The following GRM6 variants were observed in gnomAD, a reference collection of about 807,000 sequenced individuals.
GRM6 encodes the protein glutamate metabotropic receptor 6.
GRM6 carries 73 observed loss-of-function variants against 78.4 expected under a neutral mutation model. That is an observed-to-expected ratio of 0.93 (90% confidence interval 0.77 to 1.13). GRM6 has a LOEUF of 1.13. Among genes scored for constraint, GRM6 ranks in the 50% most tolerant of loss-of-function variants. The probability of loss-of-function intolerance (pLI) is 0.00; values close to 1 mark genes in which losing one functional copy is unlikely to be tolerated. For synonymous variants in GRM6, 580 were observed against 555.0 expected (o/e 1.05, Z -0.63); for missense variants, 1,251 against 1,256.4 (o/e 1.00, Z 0.07).
chr5:178,987,319 C>T (rs765318560), intron 7 of GRM6: 22 of 502,998 alleles, frequency 4.4e-5, no homozygotes, highest in African/African-American at 1.9e-4. Context: ...GGTAGATACT[C>T]GAGAGACTAG....
chr5:178,982,993 T>C lies in GRM6; in HGVS notation c.2353A>G (p.Ile785Val), dbSNP rs1448397414. 4.3e-6 allele frequency: 7 copies of C among 1,614,052 alleles called. No individual in the cohort carries two copies. ...CAGGTGGTGTACATGGTGAAGCCGATGGGCTTGGCCTCGTTGAAGGTCTCG... is the reference window on the plus strand; with the variant it reads ...CAGGTGGTGTACATGGTGAAGCCGACGGGCTTGGCCTCGTTGAAGGTCTCG... ...VPETFNEAKP[I>V]GFTMYTTCII... Residue 785 changes from isoleucine (I) to valine (V), a missense_variant, in exon 10 of 11, where the codon ATC (isoleucine) becomes GTC (valine). Ile to Val is a conservative substitution (Grantham distance 29, BLOSUM62 3). Coordinates refer to ENST00000517717, the MANE Select transcript of GRM6 (RefSeq NM_000843.4).
chr5:178,983,884 G>A (rs957426458), intron 9 of GRM6, among the ~76,000 whole-genome samples: 4 of 152,202 alleles, frequency 2.6e-5, no homozygotes, highest in Non-Finnish European at 5.9e-5. Context: ...TGCCCCACAC[G>A]TTCGTGCTGG....
intron 7 of GRM6, chr5:178,987,315 T>C: frequency 2.0e-6 from 1 of 507,090 alleles, no homozygotes; most frequent in South Asian, 1.5e-5. Flanking sequence ...CCCGGGTAGA[T>C]ACTCGAGAGA....
At position 178,986,365 on chromosome 5, in the gene GRM6, C is replaced by A. The variant is rs760658222; in HGVS notation, c.1889G>T (p.Gly630Val). ...GGTGATGGCGTAGATGAGGAAGATG[C>A]CGGTGAGGAGGACGTAGCTGAGCTC... ...GRELSYVLLT[G>V]IFLIYAITFL... Residue 630 changes from glycine to valine, a missense_variant, in exon 9 of 11, where the codon GGC (glycine) becomes GTC (valine). Physicochemically the swap from Gly to Val is moderately radical, Grantham distance 109 (BLOSUM62 -3). Transcript: ENST00000517717. 3.7e-6 allele frequency: 6 copies of A among 1,613,976 alleles called. No homozygotes were observed. In the East Asian group the frequency reaches 1.3e-4, roughly 36 times the overall value.
chr5:178,988,021 A>C lies in GRM6; in HGVS notation c.1354+914T>G, dbSNP rs970133762. On this transcript the variant is annotated intron_variant, in intron 7 of 10. Transcript: ENST00000517717. The surrounding 1 kb of genome is among the most constrained non-coding windows in gnomAD (Gnocchi z 6.0). ...GTGATCCACCTGTCTCGGCCTCCCA[A>C]AGTGCTCAGATTACAGGAGTGAGCC... 6.6e-6 allele frequency among the ~76,000 whole-genome samples: 1 copy of C among 152,068 alleles called. No homozygotes were observed. Among genetic ancestry groups the C allele is most frequent in the African/African-American group, 2.4e-5 (1 of 41,398 alleles).
In GRM6 at chr5:178,981,863, T is replaced by C. The variant is rs746263697; in HGVS notation, c.2437-9A>G. 5 of 1,578,224 alleles carry C rather than the reference T, an allele frequency of 3.2e-6. No individual in the cohort carries two copies. The Admixed American group carries it at 6.7e-5, about 21-fold the overall frequency. ...GTTGTCTGGATGTAGATCTAGGCCA[T>C]GGAAGAGGGGACCAGATGGGACTCA... On this transcript the variant is annotated splice_polypyrimidine_tract_variant and intron_variant, in intron 10 of 10. Transcript: ENST00000517717. This position sits in a 1 kb window ranked among gnomAD's most constrained non-coding sequence, Gnocchi z 5.1.
At position 178,994,783 on chromosome 5, in the gene GRM6, G is replaced by T; in HGVS notation, c.162C>A (p.Gly54=). The T allele has an allele frequency of 2.3e-6, 3 of 1,330,734 alleles. No individual in the cohort carries two copies. Among genetic ancestry groups the T allele is most frequent in the Non-Finnish European group, 2.9e-6 (3 of 1,034,870 alleles). 82.4% of individuals were successfully genotyped at this position (1,330,734 alleles called of 1,614,324 possible). A position where few individuals can be genotyped will look rare whatever the true frequency, so the allele number is the denominator to read the frequency against. ...CCTTCTTCAGCTGCCCGCACGCCCG[G>T]CCCGCCGCGCCCCGCGCGTGCACCG... ...LFPVHARGAA[G]RACGQLKKEQ... The change falls in exon 2 of 11, where the codon GGC becomes GGA. Residue 54 remains glycine (G), a synonymous_variant. Transcript: ENST00000517717.
At position 178,989,860 on chromosome 5, in the gene GRM6, C is replaced by T; in HGVS notation, c.1013-455G>A. 1.4e-5 allele frequency: 4 copies of T among 282,806 alleles called. No individual in the cohort carries two copies. The South Asian group carries it at 1.5e-4, about 11-fold the overall frequency. The allele number at this position is 282,806 out of a possible 1,614,324, so 17.5% of individuals were successfully genotyped here. ...GGGAATGGTGGAACAAAGGAATGGACAGAGCCCAGGGCTTTGAGAGCGCAT... is the reference window on the plus strand; with the variant it reads ...GGGAATGGTGGAACAAAGGAATGGATAGAGCCCAGGGCTTTGAGAGCGCAT... On this transcript the variant is annotated intron_variant, in intron 5 of 10. Coordinates refer to ENST00000517717, the MANE Select transcript of GRM6 (RefSeq NM_000843.4).
chr5:178,987,024 A>C (rs1760581452), intron 7 of GRM6, 41 bp from the exon 8 acceptor site: 3 of 1,602,452 alleles, frequency 1.9e-6, no homozygotes, highest in Non-Finnish European at 8.5e-7. Flanking sequence ...CCTCCAGCCC[A>C]GCAGAGCTGG....
In GRM6 at chr5:178,985,674, G is replaced by T. The variant is rs750827252; in HGVS notation, c.2124+456C>A. 32 of 400,886 alleles carry T rather than the reference G, an allele frequency of 8.0e-5. 1 individual carries two copies. The highest frequency in any genetic ancestry group is 1.6e-4 in the Admixed American group (5 of 31,626). 24.8% of individuals were successfully genotyped at this position (400,886 alleles called of 1,614,324 possible). A position where few individuals can be genotyped will look rare whatever the true frequency, so the allele number is the denominator to read the frequency against. On this transcript the variant is annotated intron_variant, in intron 9 of 10. Transcript: ENST00000517717. ...GCTGAGATAGTGCCACTGCACTCCA[G>T]CCTGGGCGACACAGCGAGACTCTGT...
At position 178,992,128 on chromosome 5, in the gene GRM6, ACT is replaced by A. The variant is rs1489732646; in HGVS notation, c.505-47_505-46del. On this transcript the variant is annotated intron_variant, in intron 2 of 10. Transcript: ENST00000517717. This position sits in a 1 kb window ranked among gnomAD's most constrained non-coding sequence, Gnocchi z 4.9. ...GCTGGGCTGTGGATGGAGGTCAGTA[ACT>A]CAAGAGAGGGAGGGTAAGGGGGGCC... The A allele has an allele frequency of 2.9e-6, 4 of 1,394,904 alleles. No homozygotes were observed. Among genetic ancestry groups the A allele is most frequent in the Non-Finnish European group, 4.1e-6 (4 of 986,286 alleles). 86.4% of individuals were successfully genotyped at this position (1,394,904 alleles called of 1,614,324 possible).
rs753696530 is a variant in GRM6 at position 178,984,942 on chromosome 5, C to T, written c.2124+1188G>A. On this transcript the variant is annotated intron_variant, in intron 9 of 10. Coordinates refer to ENST00000517717, the MANE Select transcript of GRM6 (RefSeq NM_000843.4). ...CACCCTCCCCAAGCCATCTGTCTCT[C>T]GTACTCTTCACACAGAAAACATCCA... Among the ~76,000 whole-genome samples, 30 of 152,248 alleles carry T rather than the reference C, an allele frequency of 2.0e-4. 1 individual carries two copies. Among genetic ancestry groups the T allele is most frequent in the South Asian group, 8.3e-4 (4 of 4,822 alleles).
intron 5 of GRM6, chr5:178,989,794 T>C: frequency 2.9e-6 from 1 of 344,214 alleles, no homozygotes; most frequent in Non-Finnish European, 5.6e-6. Context: ...AGCCATCTTG[T>C]GACTATGAGA....
At position 178,988,150 on chromosome 5, in the gene GRM6, GA is replaced by G. The variant is rs1760603663; in HGVS notation, c.1354+784del. ...TATGTATTTTATCACAATTAAAAATGAAAAAAGTTTCACTGTCCAGGCGAGA... is the reference window on the plus strand; with the variant it reads ...TATGTATTTTATCACAATTAAAAATGAAAAAGTTTCACTGTCCAGGCGAGA... On this transcript the variant is annotated intron_variant, in intron 7 of 10. Transcript: ENST00000517717. This position sits in a 1 kb window ranked among gnomAD's most constrained non-coding sequence, Gnocchi z 6.0. Among the ~76,000 whole-genome samples, 1 of 152,082 alleles carries G rather than the reference GA, an allele frequency of 6.6e-6. No homozygotes were observed. Among genetic ancestry groups the G allele is most frequent in the African/African-American group, 2.4e-5 (1 of 41,410 alleles).
intron 9 of GRM6, 198 bp from the exon 10 acceptor site, chr5:178,983,419 G>C: frequency 1.4e-6 from 1 of 704,240 alleles, no homozygotes; most frequent in South Asian, 1.5e-5. Context: ...GCCCAAGAGG[G>C]GTCCGTCCAA....
At chr5:178,984,737 T>C (rs1760474920) in intron 9 of GRM6, among the ~76,000 whole-genome samples, 1 of 151,988 alleles carries the variant, frequency 6.6e-6, no homozygotes, top group African/African-American at 2.4e-5. Flanking sequence ...CGGGAGCACC[T>C]CCTAGTCACG....
In GRM6 at chr5:178,994,461, T is replaced by C. The variant is rs756796719; in HGVS notation, c.484A>G (p.Asn162Asp). ...CTCACCGCAAACAGGCGCAGCACGT[T>C]GGCGACCATGATGGAGACGGAGCTG... is the stretch of plus-strand genomic sequence containing the variant. ...SASSVSIMVA[N>D]VLRLFAIPQI... The change falls in exon 2 of 11, where the codon AAC (asparagine) becomes GAC (aspartate). Residue 162 changes from asparagine (N) to aspartate (D), a missense_variant. Physicochemically the swap from Asn to Asp is conservative, Grantham distance 23. Transcript: ENST00000517717. 1.3e-6 allele frequency: 2 copies of C among 1,488,106 alleles called. No homozygotes were observed. Among genetic ancestry groups the C allele is most frequent in the South Asian group, 1.3e-5 (1 of 79,430 alleles). 92.2% of individuals were successfully genotyped at this position (1,488,106 alleles called of 1,614,324 possible). A position where few individuals can be genotyped will look rare whatever the true frequency, so the allele number is the denominator to read the frequency against.
rs746609820 is a variant in GRM6, at chr5:178,981,694, G to C, written c.2597C>G (p.Ala866Gly). Residue 866 changes from alanine to glycine, a missense_variant, in exon 11 of 11, where the codon GCC becomes GGC. Coordinates refer to ENST00000517717, the MANE Select transcript of GRM6 (RefSeq NM_000843.4). The surrounding 1 kb of genome is among the most constrained non-coding windows in gnomAD (Gnocchi z 5.1). The part of the protein sequence containing the change: ...RSLKATSTVA[A>G]PPKGEDAEAH... ...CTCTGCATCCTCGCCCTTGGGTGGG[G>C]CTGCCACCGTGGAGGTGGCCTTGAG... The C allele has an allele frequency of 6.2e-7, 1 of 1,613,830 alleles. No individual in the cohort carries two copies. Among genetic ancestry groups the C allele is most frequent in the African/African-American group, 1.3e-5 (1 of 74,930 alleles).
chr5:178,991,617 G>A lies in GRM6; in HGVS notation c.722-58C>T, dbSNP rs775803501. On this transcript the variant is annotated intron_variant, in intron 3 of 10. Transcript: ENST00000517717. The surrounding 1 kb of genome is among the most constrained non-coding windows in gnomAD (Gnocchi z 5.0). ...TCCCACCCACCCACACACCCACCTGGCCACCGCTGCAGAGGACTGTGTAGG... is the reference window on the plus strand; with the variant it reads ...TCCCACCCACCCACACACCCACCTGACCACCGCTGCAGAGGACTGTGTAGG... The A allele has an allele frequency of 1.6e-5, 25 of 1,586,896 alleles. No homozygotes were observed. Among genetic ancestry groups the A allele is most frequent in the African/African-American group, 4.0e-5 (3 of 74,510 alleles).
Sources: gnomAD v4.1 joint callset for allele counts (sites outside exome capture counted in the v4.1 genomes callset) on GRCh38, gnomAD v4.1.1 for gene constraint, Gnocchi (gnomAD v3.1) non-coding constraint, MANE v1.5 for transcripts, NCBI Gene and HGNC (gene_info 2026-07-23, HGNC 2026-07-21) for gene names.